Variants in IFT74 observed in about 807,000 individuals in gnomAD.
IFT74 encodes intraflagellar transport protein 74 homolog.
In IFT74, 92 loss-of-function variants were observed where a neutral mutation model predicts 96.7. The observed-to-expected ratio is 0.95, with a 90% CI of 0.80 to 1.13. The LOEUF is 1.13. Ranked by LOEUF, IFT74 falls within the 50% of genes most tolerant of loss-of-function variation. IFT74 has a pLI of 0.00. For synonymous variants in IFT74, 223 were observed against 213.2 expected, an observed-to-expected ratio of 1.05 and a Z score of -0.40; for missense variants, 811 against 698.2, an observed-to-expected ratio of 1.16 and a Z score of -1.82.
intron 8 of IFT74, among the ~76,000 whole-genome samples, chr9:27,003,918 C>G (rs1828639506): frequency 1.3e-5 from 2 of 152,150 alleles, no homozygotes; most frequent in South Asian, 4.1e-4. Flanking sequence ...GTGTTCAGCT[C>G]CTTCAATGGC....
intron 12 of IFT74, chr9:27,028,778 G>T: frequency 3.9e-6 from 1 of 255,406 alleles, no homozygotes. Context: ...AAAAGATCTA[G>T]ACAAGATTCT....
rs553912747 is a variant in IFT74, at chr9:27,016,833, A to G, written c.790-74A>G. Reference sequence around the variant, plus strand: ...GTAGTTTAAATTTACCCCCATTCTTATAAACTGAAACCTATTTTAGAATAA... The same window carrying G: ...GTAGTTTAAATTTACCCCCATTCTTGTAAACTGAAACCTATTTTAGAATAA... On this transcript the variant is annotated intron_variant, in intron 10 of 19. Coordinates refer to ENST00000380062, the MANE Select transcript of IFT74 (RefSeq NM_025103.4). 1.6e-5 allele frequency: 19 copies of G among 1,224,092 alleles called. No individual in the cohort carries two copies. The East Asian group carries it at 4.9e-4, about 32-fold the overall frequency. 75.8% of individuals were successfully genotyped at this position (1,224,092 alleles called of 1,614,324 possible). A position where few individuals can be genotyped will look rare whatever the true frequency, so the allele number is the denominator to read the frequency against.
At chr9:26,980,862 C>G (rs1181870660) in intron 4 of IFT74, among the ~76,000 whole-genome samples, 1 of 152,180 alleles carries the variant, frequency 6.6e-6, no homozygotes, top group Non-Finnish European at 1.5e-5. Context: ...TTTGCATGTA[C>G]ATGAGCTATA....
chr9:27,028,166 C>G (rs1347798949), intron 12 of IFT74, among the ~76,000 whole-genome samples: 1 of 152,118 alleles, frequency 6.6e-6, no homozygotes, highest in Non-Finnish European at 1.5e-5. Context: ...ATGTCTATCC[C>G]TATGCCTATA....
At chr9:27,020,310 C>G (rs1829538567) in intron 12 of IFT74, among the ~76,000 whole-genome samples, 1 of 151,702 alleles carries the variant, frequency 6.6e-6, no homozygotes, top group South Asian at 2.1e-4. Flanking sequence ...AATTGCAGCC[C>G]GTGTCAAGTG....
rs1177362786 is a variant in IFT74, at chr9:27,028,964, CAATT to C, written c.975-60_975-57del. ...TGGAAAAGATATCTAACCTCCCCAT[CAATT>C]GTTTTTATTGAATGTCTATATTTCC... On this transcript the variant is annotated intron_variant, in intron 12 of 19. Transcript: ENST00000380062. 17 of 1,415,628 alleles carry C rather than the reference CAATT, an allele frequency of 1.2e-5. 1 individual carries two copies. Among genetic ancestry groups the C allele is most frequent in the Non-Finnish European group, 1.5e-5 (16 of 1,034,104 alleles). 87.7% of individuals were successfully genotyped at this position (1,415,628 alleles called of 1,614,324 possible). A position where few individuals can be genotyped will look rare whatever the true frequency, so the allele number is the denominator to read the frequency against.
At chr9:26,991,600 A>T (rs1002303740) in intron 8 of IFT74, among the ~76,000 whole-genome samples, 2 of 151,986 alleles carry the variant, frequency 1.3e-5, no homozygotes, top group African/African-American at 4.8e-5. Context: ...TTACAAGGAA[A>T]ATTTTGTTCA....
intron 16 of IFT74, among the ~76,000 whole-genome samples, chr9:27,053,030 A>G (rs1016193510): frequency 7.2e-5 from 11 of 151,900 alleles, no homozygotes; most frequent in South Asian, 2.1e-4. Context: ...CGCCCGGCTA[A>G]TTTTTTGTAT....
At chr9:26,976,647 G>A (rs973319292) in intron 2 of IFT74, 3 of 420,558 alleles carry the variant, frequency 7.1e-6, no homozygotes, top group Non-Finnish European at 1.4e-5. Context: ...GCATGCCTGG[G>A]CATGTAGTAA....
chr9:27,020,772 C>T (rs186697460), intron 12 of IFT74, among the ~76,000 whole-genome samples: 5 of 152,182 alleles, frequency 3.3e-5, no homozygotes, highest in Non-Finnish European at 7.4e-5. Context: ...CCGCGCCTGG[C>T]CTATCTTTTT....
intron 12 of IFT74, among the ~76,000 whole-genome samples, chr9:27,026,898 C>T (rs748502135): frequency 5.9e-5 from 9 of 152,034 alleles, no homozygotes; most frequent in African/African-American, 1.2e-4. Context: ...GACAATCTAA[C>T]GTTACACCTC....
intron 2 of IFT74, among the ~76,000 whole-genome samples, chr9:26,969,459 T>A (rs7875068): frequency 0.33 from 50,660 of 151,606 alleles, 10,127 homozygotes; most frequent in East Asian, 0.69. Flanking sequence ...TTTTAGGGCT[T>A]GATACGTTTC....
At chr9:26,995,390 A>G (rs1828089202) in intron 8 of IFT74, 2 of 610,108 alleles carry the variant, frequency 3.3e-6, no homozygotes, top group Non-Finnish European at 5.7e-6. Flanking sequence ...ACATAATTTT[A>G]TGATATTCAT....
chr9:27,004,890 A>G (rs1828690531), intron 8 of IFT74, among the ~76,000 whole-genome samples: 1 of 152,218 alleles, frequency 6.6e-6, no homozygotes, highest in African/African-American at 2.4e-5. Flanking sequence ...AATGGTAGAT[A>G]CTGAAAAAGA....
At position 27,062,909 on chromosome 9, in the gene IFT74, T is replaced by A. The variant is rs1820491425; in HGVS notation, c.*173T>A. On this transcript the variant is annotated 3_prime_UTR_variant, in exon 20 of 20. Coordinates refer to ENST00000380062, the MANE Select transcript of IFT74 (RefSeq NM_025103.4). ...TATTTTAAAATAGTAAATAGTTCAA[T>A]AAATGGTTTGCATATTAAAAAGTAC... The A allele has an allele frequency of 1.7e-5, 9 of 514,296 alleles. No homozygotes were observed. The highest frequency in any genetic ancestry group is 2.4e-5 in the Non-Finnish European group (7 of 293,702). The allele number at this position is 514,296 out of a possible 1,614,324, so 31.9% of individuals were successfully genotyped here.
At chr9:26,981,768 A>AT (rs57916629) in intron 4 of IFT74, among the ~76,000 whole-genome samples, 5,790 of 128,818 alleles carry the variant, frequency 0.045, 319 homozygotes, top group African/African-American at 0.13. Context: ...GATAAGAATA[A>AT]TTTTTTTTTT....
At chr9:27,011,497 G>T (rs1829072216) in intron 9 of IFT74, among the ~76,000 whole-genome samples, 1 of 151,850 alleles carries the variant, frequency 6.6e-6, no homozygotes, top group African/African-American at 2.4e-5. Context: ...GGCAAAAGAT[G>T]TGAAAACACG....
intron 2 of IFT74, among the ~76,000 whole-genome samples, chr9:26,970,777 C>G (rs1362907552): frequency 1.3e-5 from 2 of 152,210 alleles, no homozygotes; most frequent in African/African-American, 4.8e-5. Context: ...GGCCCCTATG[C>G]TCAAAATAAT....
intron 2 of IFT74, among the ~76,000 whole-genome samples, chr9:26,966,307 C>T (rs1009156180): frequency 6.6e-6 from 1 of 151,986 alleles, no homozygotes; most frequent in Non-Finnish European, 1.5e-5. Context: ...TACAAAGGTT[C>T]CCTTTTCTTT....
Sources: allele counts gnomAD v4.1 joint callset (sites outside exome capture counted in the v4.1 genomes callset), GRCh38; gene constraint gnomAD v4.1.1; transcripts MANE v1.5; gene names NCBI Gene and HGNC (gene_info 2026-07-23, HGNC 2026-07-21).